AGMO: variants seen among roughly 807,000 people sequenced by gnomAD.
AGMO encodes the protein alkylglycerol monooxygenase.
In AGMO, 75 loss-of-function variants were observed where a neutral mutation model predicts 60.2. The ratio of observed to expected loss-of-function variants is 1.25; its 90% CI spans 1.03 to 1.51. The LOEUF (loss-of-function observed/expected upper bound fraction) is 1.51. AGMO is among the 40% of genes most tolerant of loss of function. The pLI, the probability that AGMO is intolerant of heterozygous loss-of-function variation, is 0.00. For synonymous variants in AGMO, 261 were observed against 177.1 expected (o/e 1.47, Z -3.76); for missense variants, 763 against 525.5 (o/e 1.45, Z -4.42).
chr7:15,420,774 AG>A (rs141819736), intron 4 of AGMO, among the ~76,000 whole-genome samples: 2,072 of 152,264 alleles, frequency 0.014, 42 homozygotes, highest in African/African-American at 0.048. Context: ...GTAACTTGGT[AG>A]CTGGATTAGG....
intron 12 of AGMO, among the ~76,000 whole-genome samples, chr7:15,283,200 A>G (rs80001914): frequency 0.062 from 9,437 of 152,118 alleles, 991 homozygotes; most frequent in African/African-American, 0.22. Flanking sequence ...AAGTATCTAG[A>G]TAACATTTTG....
intron 12 of AGMO, among the ~76,000 whole-genome samples, chr7:15,236,508 A>T (rs1261729994): frequency 6.6e-6 from 1 of 152,140 alleles, no homozygotes; most frequent in African/African-American, 2.4e-5. Flanking sequence ...CAGATGTTAG[A>T]TGTGACAATG....
At chr7:15,383,999 G>C (rs992839710) in intron 10 of AGMO, among the ~76,000 whole-genome samples, 8 of 151,834 alleles carry the variant, frequency 5.3e-5, no homozygotes, top group Non-Finnish European at 1.2e-4. Flanking sequence ...GCAGTGGCGC[G>C]ATCTCGGCTC....
At chr7:15,560,375 G>T in intron 1 of AGMO, 104 bp from the exon 2 acceptor site, 1 of 1,262,312 alleles carries the variant, frequency 7.9e-7, no homozygotes, top group Non-Finnish European at 1.1e-6. Flanking sequence ...GATTTGGGAA[G>T]CCCTGCAGGA....
At chr7:15,210,646 T>C (rs774261625) in intron 12 of AGMO, among the ~76,000 whole-genome samples, 1 of 152,138 alleles carries the variant, frequency 6.6e-6, no homozygotes, top group Non-Finnish European at 1.5e-5. Context: ...AACGGAGTGA[T>C]ATTCCTATAA....
chr7:15,407,472 C>T (rs1432220660), intron 5 of AGMO, among the ~76,000 whole-genome samples: 1 of 151,080 alleles, frequency 6.6e-6, no homozygotes, highest in Non-Finnish European at 1.5e-5. Context: ...ATGTTGACTT[C>T]AGAGAAATGG....
chr7:15,254,143 G>A (rs1386251557), intron 12 of AGMO, among the ~76,000 whole-genome samples: 2 of 151,754 alleles, frequency 1.3e-5, no homozygotes, highest in Non-Finnish European at 2.9e-5. Context: ...TCCATTGATG[G>A]GCATTTAGAC....
At chr7:15,491,539 T>C (rs1783066708) in intron 3 of AGMO, among the ~76,000 whole-genome samples, 1 of 152,194 alleles carries the variant, frequency 6.6e-6, no homozygotes, top group Non-Finnish European at 1.5e-5. Context: ...CTAAGGACTT[T>C]AATACTATTA....
chr7:15,439,377 C>A (rs541716208), intron 3 of AGMO, among the ~76,000 whole-genome samples: 4 of 152,160 alleles, frequency 2.6e-5, no homozygotes, highest in African/African-American at 9.7e-5. Context: ...AGCCTGGTGA[C>A]AGAGTGAGAT....
intron 3 of AGMO, among the ~76,000 whole-genome samples, chr7:15,493,747 A>G (rs1783140827): frequency 6.6e-6 from 1 of 152,152 alleles, no homozygotes; most frequent in Admixed American, 6.5e-5. Context: ...AATCCTTTAG[A>G]GTGCATATCC....
chr7:15,250,255 T>C (rs1197315245), intron 12 of AGMO, among the ~76,000 whole-genome samples: 1 of 152,164 alleles, frequency 6.6e-6, no homozygotes, highest in East Asian at 1.9e-4. Flanking sequence ...CAAAAAAGTA[T>C]TTATTTATAT....
intron 12 of AGMO, among the ~76,000 whole-genome samples, chr7:15,322,250 A>C (rs1781128575): frequency 6.7e-6 from 1 of 148,908 alleles, no homozygotes; most frequent in South Asian, 2.1e-4. Context: ...ATAATATAAG[A>C]AATACCAAGG....
intron 2 of AGMO, among the ~76,000 whole-genome samples, chr7:15,552,654 T>A (rs1478600162): frequency 2.0e-5 from 3 of 147,168 alleles, no homozygotes; most frequent in Non-Finnish European, 4.5e-5. Context: ...TGGCAATCAT[T>A]AAAAAGTCAG....
At chr7:15,353,074 A>T (rs545650249) in intron 12 of AGMO, among the ~76,000 whole-genome samples, 3 of 152,226 alleles carry the variant, frequency 2.0e-5, no homozygotes, top group African/African-American at 7.2e-5. Flanking sequence ...AATGTAGGAC[A>T]GGTGATTATT....
At chr7:15,187,905 C>G in the AGMO span, among the ~76,000 whole-genome samples, 1 of 151,826 alleles carries the variant, frequency 6.6e-6, no homozygotes, top group Non-Finnish European at 1.5e-5. Context: ...TAACTCCCCC[C>G]CGACTGCCCA....
intron 5 of AGMO, among the ~76,000 whole-genome samples, chr7:15,416,527 A>G (rs1052553539): frequency 2.0e-5 from 3 of 152,174 alleles, no homozygotes; most frequent in African/African-American, 7.2e-5. Flanking sequence ...AAAAATCAGT[A>G]TCTTCTTAAG....
At position 15,302,041 on chromosome 7, in the gene AGMO, AT is replaced by A. The variant is rs577926449; in HGVS notation, c.1263+63472del. Among the ~76,000 whole-genome samples, 116 of 152,332 alleles carry A rather than the reference AT, an allele frequency of 7.6e-4. No homozygotes were observed. In the Middle Eastern group the frequency reaches 0.01, roughly 13 times the overall value. ...TTAAAATATGTTAAGTGGATATAGT[AT>A]AATGAGATTTGATAAAACCCTTTGT... On this transcript the variant is annotated intron_variant, in intron 12 of 12. Transcript: ENST00000342526.
chr7:15,382,598 A>G (rs193049829), intron 10 of AGMO, among the ~76,000 whole-genome samples: 636 of 152,320 alleles, frequency 4.2e-3, no homozygotes, highest in Middle Eastern at 6.8e-3. Flanking sequence ...TTTGGTCAAA[A>G]GCTGTAAGGG....
chr7:15,392,870 C>T (rs778561276), intron 6 of AGMO, among the ~76,000 whole-genome samples: 5 of 152,322 alleles, frequency 3.3e-5, no homozygotes, highest in Non-Finnish European at 5.9e-5. Context: ...ATCATAGCTT[C>T]GCCTAGCCTG....
Sources: allele counts gnomAD v4.1 joint callset (sites outside exome capture counted in the v4.1 genomes callset), GRCh38; gene constraint gnomAD v4.1.1; transcripts MANE v1.5; gene names NCBI Gene and HGNC (gene_info 2026-07-23, HGNC 2026-07-21).